The following WDR27 variants were observed in gnomAD, a reference collection of about 807,000 sequenced individuals.
WDR27 encodes WD repeat domain 27.
In WDR27, 100 loss-of-function variants were observed where a neutral mutation model predicts 114.4. The ratio of observed to expected loss-of-function variants is 0.87; its 90% CI spans 0.74 to 1.03. WDR27 has a LOEUF of 1.03. Among genes scored for constraint, WDR27 ranks in the 50% least tolerant of loss-of-function variants. The probability of loss-of-function intolerance (pLI) is 0.00; values close to 1 mark genes in which losing one functional copy is unlikely to be tolerated. For missense variants in WDR27, 1,129 were observed against 1,092.9 expected (o/e 1.03, Z -0.47); for synonymous variants, 449 against 423.1 (o/e 1.06, Z -0.75).
At chr6:169,687,157 T>C (rs1783208155) in intron 2 of WDR27, among the ~76,000 whole-genome samples, 1 of 152,098 alleles carries the variant, frequency 6.6e-6, no homozygotes, top group African/African-American at 2.4e-5. Context: ...ACCAACACAA[T>C]AAAAAGATAA....
intron 1 of WDR27, among the ~76,000 whole-genome samples, chr6:169,693,188 T>C (rs1158764688): frequency 6.6e-6 from 1 of 152,156 alleles, no homozygotes; most frequent in Non-Finnish European, 1.5e-5. Flanking sequence ...GTCATATCTT[T>C]ACCCTCCTTA....
At chr6:169,432,062 T>G in the WDR27 span, among the ~76,000 whole-genome samples, 2 of 152,316 alleles carry the variant, frequency 1.3e-5, no homozygotes, top group Non-Finnish European at 2.9e-5. Flanking sequence ...CCTCAGCTAT[T>G]CTGGCATATT....
chr6:169,656,014 A>C (rs1455206685), intron 13 of WDR27, among the ~76,000 whole-genome samples: 1 of 151,874 alleles, frequency 6.6e-6, no homozygotes, highest in Non-Finnish European at 1.5e-5. Flanking sequence ...GAGCCACTGC[A>C]CCCAGCTGGA....
intron 25 of WDR27, among the ~76,000 whole-genome samples, chr6:169,512,011 G>A (rs569944996): frequency 6.6e-6 from 1 of 152,270 alleles, no homozygotes; most frequent in East Asian, 1.9e-4. Flanking sequence ...GCAGATGGCA[G>A]TGTACATCTT....
At chr6:169,611,023 T>C (rs747695107) in intron 22 of WDR27, among the ~76,000 whole-genome samples, 1 of 152,070 alleles carries the variant, frequency 6.6e-6, no homozygotes, top group Admixed American at 6.6e-5. Flanking sequence ...CAAAAGCCAC[T>C]TGTACCCCAA....
intron 14 of WDR27, among the ~76,000 whole-genome samples, chr6:169,651,178 C>CGGGGGGGGGGG (rs200606067): frequency 5.9e-4 from 2 of 3,396 alleles, no homozygotes; most frequent in African/African-American, 2.1e-3. Context: ...CACAGCAGTG[C>CGGGGGGGGGGG]GGGGCGGGGG....
intron 21 of WDR27, among the ~76,000 whole-genome samples, chr6:169,628,423 G>A (rs948828206): frequency 2.0e-5 from 3 of 152,164 alleles, no homozygotes; most frequent in Admixed American, 1.3e-4. Flanking sequence ...AATATGAGTC[G>A]CTCTACCAGC....
intron 2 of WDR27, among the ~76,000 whole-genome samples, chr6:169,676,942 G>A (rs572638805): frequency 3.7e-4 from 56 of 152,146 alleles, no homozygotes; most frequent in Non-Finnish European, 6.5e-4. Flanking sequence ...GCCTCTGGTC[G>A]CTCGTAGTTG....
chr6:169,685,364 T>C (rs962164327), intron 2 of WDR27, among the ~76,000 whole-genome samples: 6 of 151,316 alleles, frequency 4.0e-5, no homozygotes, highest in Admixed American at 2.0e-4. Context: ...TAAGAAAATA[T>C]ATGAAATGTC....
chr6:169,436,727 C>T, the WDR27 span, among the ~76,000 whole-genome samples: 251 of 152,034 alleles, frequency 1.7e-3, 2 homozygotes, highest in Middle Eastern at 3.6e-3. Context: ...TGAGTCATTT[C>T]TAAATAAGCT....
intron 25 of WDR27, among the ~76,000 whole-genome samples, chr6:169,557,723 A>G (rs1799119286): frequency 6.6e-6 from 1 of 152,170 alleles, no homozygotes; most frequent in South Asian, 2.1e-4. Context: ...CAGGAGCCCA[A>G]GAGTTGAGCT....
the WDR27 span, among the ~76,000 whole-genome samples, chr6:169,433,337 G>A: frequency 4.2e-3 from 645 of 152,212 alleles, 2 homozygotes; most frequent in Middle Eastern, 6.8e-3. Context: ...GAGAACATGC[G>A]GTGTTTGGTT....
At chr6:169,655,743 G>A (rs138801377) in intron 13 of WDR27, among the ~76,000 whole-genome samples, 54 of 152,124 alleles carry the variant, frequency 3.5e-4, no homozygotes, top group African/African-American at 1.2e-3. Context: ...TTTTTGAGAC[G>A]GAGTCTCGCC....
intron 25 of WDR27, among the ~76,000 whole-genome samples, chr6:169,557,422 G>T (rs570876349): frequency 1.3e-5 from 2 of 152,204 alleles, no homozygotes. Context: ...GAGGTGGGGG[G>T]TGCGGTGCAG....
rs559813957 is a variant in WDR27, at chr6:169,644,785, G to A, written c.1658-999C>T. ...AGCACTTTGGGAGGCCGAGGCGGGC[G>A]GATCACGAGGTCAGGAGATCGAGAC... is the stretch of plus-strand genomic sequence containing the variant. On this transcript the variant is annotated intron_variant, in intron 16 of 25. Transcript: ENST00000448612. 2.1e-3 allele frequency among the ~76,000 whole-genome samples: 144 copies of A among 67,678 alleles called. 34 individuals carry two copies. Among genetic ancestry groups the A allele is most frequent in the Non-Finnish European group, 3.3e-3 (124 of 37,892 alleles). The allele number at this position is 67,678 out of a possible 152,430, so 44.4% of individuals were successfully genotyped here. A position where few individuals can be genotyped will look rare whatever the true frequency, so the allele number is the denominator to read the frequency against.
rs1562775447 is a variant in WDR27 at position 169,638,558 on chromosome 6, G to A, written c.1850C>T (p.Ala617Val). ...GTLRMWSARGAELALLLGKDM... is the reference protein window; with the variant it reads ...GTLRMWSARGVELALLLGKDM... ...CATTACCAGAAGCAGTGCGAGCTCT[G>A]CCCCACGAGCCGACCACATTCGCAG... The change falls in exon 18 of 26, where the codon GCA (alanine) becomes GTA (valine). Residue 617 changes from alanine (A) to valine (V), a missense_variant. Physicochemically the swap from Ala to Val is moderately conservative, Grantham distance 64. Transcript: ENST00000448612. 6.2e-7 allele frequency: 1 copy of A among 1,610,786 alleles called. No individual in the cohort carries two copies. Among genetic ancestry groups the A allele is most frequent in the Admixed American group, 1.7e-5 (1 of 59,766 alleles).
chr6:169,534,973 A>C (rs1298535334), intron 25 of WDR27, among the ~76,000 whole-genome samples: 1 of 34,106 alleles, frequency 2.9e-5, no homozygotes, highest in Non-Finnish European at 1.6e-4. Flanking sequence ...ATAATTTTAC[A>C]AAAAAAAAAA....
intron 25 of WDR27, among the ~76,000 whole-genome samples, chr6:169,570,242 G>C (rs13207925): frequency 0.46 from 69,380 of 152,032 alleles, 19,789 homozygotes; most frequent in Non-Finnish European, 0.65. Flanking sequence ...AGAAAGACCT[G>C]GGTAGCTGAC....
At chr6:169,653,091 G>A (rs1426275480) in intron 13 of WDR27, among the ~76,000 whole-genome samples, 2 of 152,238 alleles carry the variant, frequency 1.3e-5, no homozygotes, top group Non-Finnish European at 2.9e-5. Flanking sequence ...AAGACGAGCG[G>A]ACCCCGTGGG....
Sources: allele counts gnomAD v4.1 joint callset (sites outside exome capture counted in the v4.1 genomes callset), GRCh38; gene constraint gnomAD v4.1.1; transcripts MANE v1.5; gene names NCBI Gene and HGNC (gene_info 2026-07-23, HGNC 2026-07-21).